Variants in EIF4G3 observed in about 807,000 individuals in gnomAD.
EIF4G3 encodes the protein eukaryotic translation initiation factor 4 gamma 3.
In EIF4G3, 34 loss-of-function variants were observed where a neutral mutation model predicts 186.4. The observed-to-expected ratio is 0.18, with a 90% CI of 0.14 to 0.24. EIF4G3 has a LOEUF of 0.24. Ranked by LOEUF, EIF4G3 falls within the 10% of genes least tolerant of loss-of-function variation. EIF4G3 has a pLI of 1.00. For synonymous variants in EIF4G3, 673 were observed against 679.5 expected, an observed-to-expected ratio of 0.99 and a Z score of 0.15; for missense variants, 1,536 against 1,948.5, an observed-to-expected ratio of 0.79 and a Z score of 3.99.
At chr1:21,042,867 G>C (rs899354767) in intron 4 of EIF4G3, among the ~76,000 whole-genome samples, 1 of 152,116 alleles carries the variant, frequency 6.6e-6, no homozygotes, top group East Asian at 1.9e-4. Context: ...AAACTTACCT[G>C]TTCTGTTTCT....
chr1:20,989,071 G>GGGAGA (rs2080312910), intron 7 of EIF4G3, among the ~76,000 whole-genome samples: 1 of 69,516 alleles, frequency 1.4e-5, no homozygotes, highest in Non-Finnish European at 3.0e-5. Flanking sequence ...GGGAGGGGAG[G>GGGAGA]GGAGGGGAGG....
intron 4 of EIF4G3, among the ~76,000 whole-genome samples, chr1:21,022,482 C>A (rs544743494): frequency 1.3e-5 from 2 of 152,186 alleles, no homozygotes; most frequent in African/African-American, 4.8e-5. Flanking sequence ...AGTCACCGAC[C>A]ATTAGCCCTT....
rs187194811 is a variant in EIF4G3 at position 21,153,302 on chromosome 1, G to A, written c.-272+22873C>T. On this transcript the variant is annotated intron_variant, in intron 2 of 36. Coordinates refer to ENST00000602326, the MANE Select transcript of EIF4G3 (RefSeq NM_001391906.1). ...CTTCACTCATCTAGAAGATTCTAAC[G>A]GCATTCTGAATAGCACTATCATTCT... is the stretch of plus-strand genomic sequence containing the variant. Among the ~76,000 whole-genome samples the A allele has an allele frequency of 2.6e-4, 39 of 152,248 alleles. 1 individual carries two copies. In the East Asian group the frequency reaches 6.0e-3, roughly 23 times the overall value.
chr1:20,892,703 T>C, intron 18 of EIF4G3: 1 of 1,536,008 alleles, frequency 6.5e-7, no homozygotes, highest in Admixed American at 2.0e-5. Flanking sequence ...GAATTGGCAA[T>C]CCATGCCTGC....
intron 4 of EIF4G3, among the ~76,000 whole-genome samples, chr1:21,032,719 G>T (rs982939332): frequency 4.6e-5 from 7 of 152,058 alleles, no homozygotes; most frequent in Admixed American, 3.9e-4. Flanking sequence ...CAATGGATCA[G>T]ATGTCATGTG....
intron 2 of EIF4G3, among the ~76,000 whole-genome samples, chr1:21,171,309 C>A (rs373018211): frequency 2.0e-5 from 3 of 152,170 alleles, no homozygotes. Context: ...CACAGCACCA[C>A]GGGAGTTTAT....
At chr1:20,982,351 G>GT (rs2078473713) in intron 8 of EIF4G3, 37 bp downstream of exon 8, 1 of 1,473,980 alleles carries the variant, frequency 6.8e-7, no homozygotes, top group Admixed American at 2.2e-5. Context: ...AGCAGACTGA[G>GT]TTATAAAGAG....
chr1:20,943,324 A>T (rs185404170), intron 13 of EIF4G3, among the ~76,000 whole-genome samples: 27 of 152,396 alleles, frequency 1.8e-4, no homozygotes, highest in Admixed American at 3.3e-4. Flanking sequence ...TTGATATAAT[A>T]TACAAAAATG....
Position 20,851,426 on chromosome 1 carries a change from C to T in EIF4G3, c.3604G>A (p.Ala1202Thr). The T allele has an allele frequency of 1.2e-6, 2 of 1,614,188 alleles. No individual in the cohort carries two copies. The highest frequency in any genetic ancestry group is 1.7e-6 in the Non-Finnish European group (2 of 1,180,046). Residue 1202 changes from alanine to threonine, a missense_variant, in exon 28 of 37, where the codon GCT becomes ACT. Transcript: ENST00000602326. ...KNDKPLPSAT[A>T]RPNTFMRGGS... Reference sequence around the variant, plus strand: ...CCCCTCATGAAAGTATTTGGCCGAGCTGTTGCAGATGGAAGGGGCTTGTCA... The same window carrying T: ...CCCCTCATGAAAGTATTTGGCCGAGTTGTTGCAGATGGAAGGGGCTTGTCA...
chr1:20,889,458 C>A (rs1049157851), intron 18 of EIF4G3, among the ~76,000 whole-genome samples: 1 of 152,032 alleles, frequency 6.6e-6, no homozygotes, highest in Non-Finnish European at 1.5e-5. Flanking sequence ...CTGTGATGTC[C>A]GCAAAAAGAC....
chr1:21,076,290 C>G (rs549580639), intron 3 of EIF4G3, among the ~76,000 whole-genome samples: 2 of 151,940 alleles, frequency 1.3e-5, no homozygotes, highest in South Asian at 4.2e-4. Context: ...TTAAAATTTC[C>G]TGAAATAAAT....
chr1:20,849,276 A>C (rs1331950213), intron 29 of EIF4G3, 139 bp downstream of exon 29: 1 of 446,168 alleles, frequency 2.2e-6, no homozygotes, highest in Non-Finnish European at 3.9e-6. Context: ...AGCGTTAAGC[A>C]AACTGAATTG....
intron 16 of EIF4G3, among the ~76,000 whole-genome samples, chr1:20,897,531 C>T (rs1428255958): frequency 6.7e-6 from 1 of 150,308 alleles, no homozygotes; most frequent in East Asian, 1.9e-4. Context: ...AAAAAAAAAT[C>T]ACAGTTTTCT....
At chr1:20,895,958 A>AAAG (rs2087845290) in intron 16 of EIF4G3, among the ~76,000 whole-genome samples, 1 of 86,766 alleles carries the variant, frequency 1.2e-5, no homozygotes, top group Non-Finnish European at 2.4e-5. Context: ...CACTGTTATA[A>AAAG]TAGATGACAG....
At position 21,134,567 on chromosome 1, in the gene EIF4G3, G is replaced by A. The variant is rs185039373; in HGVS notation, c.-272+41608C>T. Among the ~76,000 whole-genome samples the A allele has an allele frequency of 1.4e-3, 218 of 152,242 alleles. 1 individual carries two copies. The highest frequency in any genetic ancestry group is 4.8e-3 in the African/African-American group (200 of 41,530). ...CACTTGTAGTCCCAGCTACTCGGGC[G>A]CTGATTCATGAGAATCACTTGAGCC... On this transcript the variant is annotated intron_variant, in intron 2 of 36. Coordinates refer to ENST00000602326, the MANE Select transcript of EIF4G3 (RefSeq NM_001391906.1).
chr1:21,166,477 C>T (rs2103014295), intron 2 of EIF4G3, among the ~76,000 whole-genome samples: 1 of 152,236 alleles, frequency 6.6e-6, no homozygotes, highest in Admixed American at 6.5e-5. Context: ...GTAATCCCAA[C>T]ACTTTTAGAG....
intron 2 of EIF4G3, among the ~76,000 whole-genome samples, chr1:21,153,520 G>T (rs2097582580): frequency 6.6e-6 from 1 of 152,182 alleles, no homozygotes; most frequent in South Asian, 2.1e-4. Flanking sequence ...GCTTGAAGAT[G>T]AGTCAGCAGG....
chr1:20,951,029 C>A (rs2096193246), intron 12 of EIF4G3, among the ~76,000 whole-genome samples: 1 of 151,940 alleles, frequency 6.6e-6, no homozygotes. Context: ...TCTATCAGTG[C>A]TATCAGAGTA....
intron 3 of EIF4G3, among the ~76,000 whole-genome samples, chr1:21,077,014 C>T (rs369229070): frequency 3.9e-5 from 6 of 151,950 alleles, no homozygotes; most frequent in African/African-American, 9.7e-5. Context: ...ACTTACAGAA[C>T]GGGAGAAAAT....
Sources: allele counts gnomAD v4.1 joint callset (sites outside exome capture counted in the v4.1 genomes callset), GRCh38; gene constraint gnomAD v4.1.1; transcripts MANE v1.5; gene names NCBI Gene and HGNC (gene_info 2026-07-23, HGNC 2026-07-21).